CENPF: variants seen among roughly 807,000 people sequenced by gnomAD.
CENPF encodes centromere protein F.
In CENPF, 214 loss-of-function variants were observed where a neutral mutation model predicts 307.3. The ratio of observed to expected loss-of-function variants is 0.70; its 90% CI spans 0.62 to 0.78. CENPF has a LOEUF of 0.78. CENPF is among the 30% of genes least tolerant of loss of function. The pLI is 0.00. For synonymous variants in CENPF, 1,259 were observed against 1,270.6 expected (o/e 0.99, Z 0.19); for missense variants, 3,401 against 3,483.9 (o/e 0.98, Z 0.60).
intron 1 of CENPF, among the ~76,000 whole-genome samples, chr1:214,611,299 T>C (rs1008077799): frequency 6.6e-6 from 1 of 152,230 alleles, no homozygotes; most frequent in African/African-American, 2.4e-5. Context: ...ATACTGATTC[T>C]TCATATTCAT....
chr1:214,608,537 T>C lies in CENPF; in HGVS notation c.-41-5177T>C, dbSNP rs1194723509. The C allele has an allele frequency of 7.4e-6, 12 of 1,611,592 alleles. No homozygotes were observed. In the Admixed American group the frequency reaches 1.8e-4, roughly 25 times the overall value. On this transcript the variant is annotated intron_variant, in intron 1 of 19. Coordinates refer to ENST00000366955, the MANE Select transcript of CENPF (RefSeq NM_016343.4). Reference sequence around the variant, plus strand: ...GCACCAGTCACGCAGCGAACATACATGCAGGAGACGCGGTTGCGGCGGGCG... The same window carrying C: ...GCACCAGTCACGCAGCGAACATACACGCAGGAGACGCGGTTGCGGCGGGCG...
chr1:214,629,051 T>C lies in CENPF; in HGVS notation c.1074T>C (p.Thr358=), dbSNP rs113017521. 7 of 1,603,960 alleles carry C rather than the reference T, an allele frequency of 4.4e-6. No homozygotes were observed. The highest frequency in any genetic ancestry group is 6.0e-6 in the Non-Finnish European group (7 of 1,174,830). Residue 358 remains threonine (T), a synonymous_variant, in exon 8 of 20, where the codon ACT becomes ACC. Coordinates refer to ENST00000366955, the MANE Select transcript of CENPF (RefSeq NM_016343.4). ...AQYDQASTKY[T]ALEQKLKKLT... is the part of the protein sequence containing the mutation. Reference sequence around the variant, plus strand: ...ACATTTTTATTCATTATTAGTATACTGCATTGGAACAAAAACTGAAAAAAT... The same window carrying C: ...ACATTTTTATTCATTATTAGTATACCGCATTGGAACAAAAACTGAAAAAAT...
At chr1:214,620,292 G>C (rs997752702) in intron 5 of CENPF, among the ~76,000 whole-genome samples, 1 of 152,164 alleles carries the variant, frequency 6.6e-6, no homozygotes, top group Non-Finnish European at 1.5e-5. Flanking sequence ...AAAGCTATAG[G>C]GGGAGGTAAC....
Position 214,644,632 on chromosome 1 carries a change from C to T in CENPF, c.5062C>T (p.His1688Tyr), listed in dbSNP as rs568010267. 27 of 1,613,884 alleles carry T rather than the reference C, an allele frequency of 1.7e-5. No homozygotes were observed. In the African/African-American group the frequency reaches 3.5e-4, roughly 21 times the overall value. The change falls in exon 13 of 20, where the codon CAT (histidine) becomes TAT (tyrosine). Residue 1688 changes from histidine to tyrosine, a missense_variant. Physicochemically the swap from His to Tyr is moderately conservative, Grantham distance 83. Coordinates refer to ENST00000366955, the MANE Select transcript of CENPF (RefSeq NM_016343.4). ...AGAAACTACAGAAAGAACACCAAAG[C>T]ATGATGTTCATCAGATTTGTGATAA... ...TSETTERTPK[H>Y]DVHQICDKDA...
chr1:214,635,234 G>C (rs1012389747), intron 10 of CENPF, among the ~76,000 whole-genome samples: 2 of 152,224 alleles, frequency 1.3e-5, no homozygotes, highest in African/African-American at 2.4e-5. Flanking sequence ...CCTTATCCAA[G>C]TATATAGGCT....
At chr1:214,651,355 G>A (rs1346231564) in intron 14 of CENPF, among the ~76,000 whole-genome samples, 1 of 152,146 alleles carries the variant, frequency 6.6e-6, no homozygotes, top group Non-Finnish European at 1.5e-5. Flanking sequence ...AGATGGTAGT[G>A]GTTCTGTTGA....
chr1:214,610,119 A>G lies in CENPF; in HGVS notation c.-41-3595A>G, dbSNP rs558133875. Among the ~76,000 whole-genome samples, 10 of 151,926 alleles carry G rather than the reference A, an allele frequency of 6.6e-5. No homozygotes were observed. In the East Asian group the frequency reaches 1.9e-3, roughly 29 times the overall value. The stretch of plus-strand genomic sequence containing the variant: ...GTTATCCACCTGCCTTGGCCTCCCA[A>G]AGTGTTGGGATTACAGGCATGAGCC... On this transcript the variant is annotated intron_variant, in intron 1 of 19. Transcript: ENST00000366955.
intron 10 of CENPF, among the ~76,000 whole-genome samples, chr1:214,635,512 T>C (rs1657934352): frequency 6.6e-6 from 1 of 152,238 alleles, no homozygotes; most frequent in African/African-American, 2.4e-5. Context: ...CTTTGTATGC[T>C]TAACTCATTG....
In CENPF at chr1:214,637,847, A is replaced by G. The variant is rs770771535; in HGVS notation, c.1447-19A>G. 1.2e-6 allele frequency: 2 copies of G among 1,600,084 alleles called. No individual in the cohort carries two copies. The highest frequency in any genetic ancestry group is 2.2e-5 in the East Asian group (1 of 44,562). On this transcript the variant is annotated intron_variant, in intron 10 of 19. Transcript: ENST00000366955. The stretch of plus-strand genomic sequence containing the variant: ...TGAGCATTCGTTTTGGCTATAACCA[A>G]TTAAAATGTGTGTTTTAGGAAATGA...
At chr1:214,612,180 C>T (rs1287740926) in intron 1 of CENPF, among the ~76,000 whole-genome samples, 2 of 152,050 alleles carry the variant, frequency 1.3e-5, no homozygotes, top group Admixed American at 6.6e-5. Flanking sequence ...GAGTTTTTAA[C>T]GTGAAGGGAT....
intron 14 of CENPF, among the ~76,000 whole-genome samples, chr1:214,649,988 A>G (rs527860457): frequency 2.0e-5 from 3 of 152,388 alleles, no homozygotes; most frequent in African/African-American, 7.2e-5. Flanking sequence ...GTCTAGACAC[A>G]TAATAAATCA....
chr1:214,616,905 CTTT>C (rs1558170996), intron 3 of CENPF, among the ~76,000 whole-genome samples: 2 of 75,108 alleles, frequency 2.7e-5, no homozygotes, highest in African/African-American at 1.1e-4. Flanking sequence ...TTCTTTCTTT[CTTT>C]CTTTCTTTCT....
chr1:214,621,957 G>A (rs1657516771), intron 6 of CENPF, 122 bp from the exon 7 acceptor site: 1 of 740,506 alleles, frequency 1.4e-6, no homozygotes, highest in Non-Finnish European at 2.2e-6. Context: ...AGTAGCTTCT[G>A]TATTTAGTGT....
intron 6 of CENPF, among the ~76,000 whole-genome samples, chr1:214,621,290 G>C (rs529079961): frequency 5.9e-5 from 9 of 152,306 alleles, no homozygotes; most frequent in South Asian, 2.1e-4. Flanking sequence ...ACAGAACCAG[G>C]CTGTGGTCTG....
chr1:214,646,958 C>G lies in CENPF; in HGVS notation c.7388C>G (p.Ala2463Gly), dbSNP rs778416847. The G allele has an allele frequency of 4.3e-6, 7 of 1,613,920 alleles. No homozygotes were observed. The Admixed American group carries it at 5.0e-5, about 12-fold the overall frequency. ...RVAALHNDQE[A>G]CKAKEQNLSS... Reference sequence around the variant, plus strand: ...GCAGCCCTGCATAATGACCAAGAAGCCTGTAAGGCCAAAGAGCAGAATCTT... The same window carrying G: ...GCAGCCCTGCATAATGACCAAGAAGGCTGTAAGGCCAAAGAGCAGAATCTT... Residue 2463 changes from alanine (A) to glycine (G), a missense_variant, in exon 13 of 20, where the codon GCC becomes GGC. Coordinates refer to ENST00000366955, the MANE Select transcript of CENPF (RefSeq NM_016343.4).
At chr1:214,639,204 G>A (rs1009122908) in intron 11 of CENPF, among the ~76,000 whole-genome samples, 15 of 152,236 alleles carry the variant, frequency 9.9e-5, no homozygotes, top group African/African-American at 2.9e-4. Flanking sequence ...TGAAAACATC[G>A]TGGTTATTCC....
intron 10 of CENPF, 26 bp downstream of exon 10, chr1:214,632,628 C>T: frequency 1.9e-6 from 3 of 1,611,030 alleles, no homozygotes; most frequent in South Asian, 1.1e-5. Context: ...GCCGAATTTT[C>T]TCCACTTATG....
At chr1:214,649,050 A>G (rs529916645) in intron 14 of CENPF, among the ~76,000 whole-genome samples, 2 of 152,342 alleles carry the variant, frequency 1.3e-5, no homozygotes, top group African/African-American at 2.4e-5. Context: ...ACATGAAAGT[A>G]TCTGTCTCAG....
intron 15 of CENPF, among the ~76,000 whole-genome samples, chr1:214,652,327 G>C (rs573406377): frequency 6.6e-6 from 1 of 151,586 alleles, no homozygotes; most frequent in Non-Finnish European, 1.5e-5. Context: ...GAGCCACTGC[G>C]CCTGGCCCGG....
Sources: allele counts gnomAD v4.1 joint callset (sites outside exome capture counted in the v4.1 genomes callset), GRCh38; gene constraint gnomAD v4.1.1; transcripts MANE v1.5; gene names NCBI Gene and HGNC (gene_info 2026-07-23, HGNC 2026-07-21).